The following KCNC1 variants were observed in gnomAD, a reference collection of about 807,000 sequenced individuals.
KCNC1 encodes potassium voltage-gated channel subfamily C member 1.
Under a neutral mutation model 43.4 loss-of-function variants are expected in KCNC1, and 8 were observed. That is an observed-to-expected ratio of 0.18 (90% CI 0.11 to 0.33). The LOEUF (loss-of-function observed/expected upper bound fraction) is 0.33, where lower values mean the gene tolerates loss of function less well. Among genes scored for constraint, KCNC1 ranks in the 10% least tolerant of loss-of-function variants. KCNC1 has a pLI of 1.00. For synonymous variants in KCNC1, 361 were observed against 360.5 expected, an observed-to-expected ratio of 1.00 and a Z score of -0.01; for missense variants, 420 against 836.0, an observed-to-expected ratio of 0.50 and a Z score of 6.14.
intron 1 of KCNC1, among the ~76,000 whole-genome samples, chr11:17,769,932 T>A (rs1849203917): frequency 6.6e-6 from 1 of 152,210 alleles, no homozygotes; most frequent in South Asian, 2.1e-4. Context: ...TCAGAACAGA[T>A]CATATCTACA....
At chr11:17,751,620 G>A (rs1332325501) in intron 1 of KCNC1, among the ~76,000 whole-genome samples, 2 of 152,170 alleles carry the variant, frequency 1.3e-5, no homozygotes, top group African/African-American at 2.4e-5. Context: ...GAGAGAGCTG[G>A]GAGCTGGGGA....
chr11:17,740,410 G>A (rs1488060292), intron 1 of KCNC1, among the ~76,000 whole-genome samples: 2 of 152,130 alleles, frequency 1.3e-5, no homozygotes, highest in Non-Finnish European at 2.9e-5. Context: ...AACCTTTGAG[G>A]GGCAGGGAGG....
intron 1 of KCNC1, among the ~76,000 whole-genome samples, chr11:17,764,799 C>T (rs1429700978): frequency 6.6e-6 from 1 of 152,212 alleles, no homozygotes; most frequent in African/African-American, 2.4e-5. Flanking sequence ...TCCCATCCCC[C>T]AGCCGGCCCA....
At position 17,776,917 on chromosome 11, in the gene KCNC1, C is replaced by T. The variant is rs771233728; in HGVS notation, c.1505-2539C>T. On this transcript the variant is annotated intron_variant, in intron 2 of 3. Coordinates refer to ENST00000265969, the MANE Select transcript of KCNC1 (RefSeq NM_001112741.2). The surrounding 1 kb of genome is among the most constrained non-coding windows in gnomAD (Gnocchi z 4.4). ...GACGAACAGCCCAGGGGCCTGGGCC[C>T]CTTCACAGAGCAAGACTTAAGCTTC... The T allele has an allele frequency of 3.0e-5, 30 of 985,328 alleles. No individual in the cohort carries two copies. Among genetic ancestry groups the T allele is most frequent in the Non-Finnish European group, 3.5e-5 (29 of 829,986 alleles). 61.0% of individuals were successfully genotyped at this position (985,328 alleles called of 1,614,324 possible). A position where few individuals can be genotyped will look rare whatever the true frequency, so the allele number is the denominator to read the frequency against.
At chr11:17,767,671 T>G (rs1216072596) in intron 1 of KCNC1, among the ~76,000 whole-genome samples, 3 of 152,170 alleles carry the variant, frequency 2.0e-5, no homozygotes, top group Non-Finnish European at 4.4e-5. Context: ...CCCTTGGGAT[T>G]TGATGTTGCT....
rs1035313000 is a variant in KCNC1 at position 17,739,101 on chromosome 11, G to A, written c.570+2529G>A. On this transcript the variant is annotated intron_variant, in intron 1 of 3. Transcript: ENST00000265969. This position sits in a 1 kb window ranked among gnomAD's most constrained non-coding sequence, Gnocchi z 4.2. ...CTGCGCACAGACCAGCCGCCTGCCC[G>A]CCCTCCTCCCCCTCTGTCTTTGCTC... 6.6e-6 allele frequency among the ~76,000 whole-genome samples: 1 copy of A among 150,846 alleles called. No homozygotes were observed. Among genetic ancestry groups the A allele is most frequent in the Admixed American group, 6.6e-5 (1 of 15,176 alleles).
Position 17,751,006 on chromosome 11 carries a change from C to T in KCNC1, c.570+14434C>T, listed in dbSNP as rs191831397. 1.3e-4 allele frequency among the ~76,000 whole-genome samples: 20 copies of T among 152,270 alleles called. No individual in the cohort carries two copies. The East Asian group carries it at 3.7e-3, about 28-fold the overall frequency. ...GCCTGTTACATAATAGGGAATCAAT[C>T]GATCTTTGCTAAAGCTATGTGCCCC... On this transcript the variant is annotated intron_variant, in intron 1 of 3. Coordinates refer to ENST00000265969, the MANE Select transcript of KCNC1 (RefSeq NM_001112741.2).
chr11:17,781,879 G>A lies in KCNC1; in HGVS notation c.*145G>A, dbSNP rs187305849. ...GCCCAGGCATTGTACTAGGACGGAC[G>A]TAGCTTTTTCTACGGCCAAATGGTA... is the stretch of plus-strand genomic sequence containing the variant. On this transcript the variant is annotated 3_prime_UTR_variant, in exon 4 of 4. Coordinates refer to ENST00000265969, the MANE Select transcript of KCNC1 (RefSeq NM_001112741.2). The surrounding 1 kb of genome is among the most constrained non-coding windows in gnomAD (Gnocchi z 5.1). 47 of 504,386 alleles carry A rather than the reference G, an allele frequency of 9.3e-5. No individual in the cohort carries two copies. In the Admixed American group the frequency reaches 1.4e-3, roughly 15 times the overall value. The allele number at this position is 504,386 out of a possible 1,614,324, so 31.2% of individuals were successfully genotyped here. A position where few individuals can be genotyped will look rare whatever the true frequency, so the allele number is the denominator to read the frequency against.
intron 2 of KCNC1, chr11:17,775,690 G>T: frequency 1.0e-6 from 1 of 985,710 alleles, no homozygotes; most frequent in South Asian, 4.7e-5. Flanking sequence ...GTCCATCTCC[G>T]CTCCTGTGAT....
rs1849228350 is a variant in KCNC1, at chr11:17,771,534, A to C, written c.571-131A>C. On this transcript the variant is annotated intron_variant, in intron 1 of 3. Coordinates refer to ENST00000265969, the MANE Select transcript of KCNC1 (RefSeq NM_001112741.2). This position sits in a 1 kb window ranked among gnomAD's most constrained non-coding sequence, Gnocchi z 4.7. Reference sequence around the variant, plus strand: ...AGGCCCCCTGTGCCCTGAGGAGGGAAATGTAGCACGTGCTGCAGGGGGCCT... The same window carrying C: ...AGGCCCCCTGTGCCCTGAGGAGGGACATGTAGCACGTGCTGCAGGGGGCCT... 5 of 780,898 alleles carry C rather than the reference A, an allele frequency of 6.4e-6. No homozygotes were observed. Among genetic ancestry groups the C allele is most frequent in the Non-Finnish European group, 8.4e-6 (4 of 478,342 alleles). The allele number at this position is 780,898 out of a possible 1,614,324, so 48.4% of individuals were successfully genotyped here.
chr11:17,744,596 C>T (rs368451135), intron 1 of KCNC1, among the ~76,000 whole-genome samples: 53 of 152,292 alleles, frequency 3.5e-4, no homozygotes, highest in African/African-American at 1.0e-3. Flanking sequence ...CCCTTCTCTT[C>T]GCTTCCTGCC....
chr11:17,771,347 ATG>A lies in KCNC1; in HGVS notation c.571-315_571-314del, dbSNP rs1366595564. Among the ~76,000 whole-genome samples, 1 of 152,232 alleles carries A rather than the reference ATG, an allele frequency of 6.6e-6. No individual in the cohort carries two copies. The highest frequency in any genetic ancestry group is 2.4e-5 in the African/African-American group (1 of 41,458). ...TATTTCCCACTCAGGTAACAGTTCA[ATG>A]TGGGTATGTGGCTGATGTCTTTCTT... On this transcript the variant is annotated intron_variant, in intron 1 of 3. Coordinates refer to ENST00000265969, the MANE Select transcript of KCNC1 (RefSeq NM_001112741.2). The surrounding 1 kb of genome is among the most constrained non-coding windows in gnomAD (Gnocchi z 4.7).
rs1440842954 is a variant in KCNC1 at position 17,781,664 on chromosome 11, A to G, written c.1694-6A>G. 1 of 1,543,318 alleles carries G rather than the reference A, an allele frequency of 6.5e-7. No individual in the cohort carries two copies. The highest frequency in any genetic ancestry group is 8.8e-7 in the Non-Finnish European group (1 of 1,139,444). ...CTCAAGTGTTAATTGTATTCTTTAC[A>G]TACAGATCTTTGCAAAGAAAGCCCT... On this transcript the variant is annotated splice_region_variant and splice_polypyrimidine_tract_variant and intron_variant, in intron 3 of 3. Transcript: ENST00000265969. This position sits in a 1 kb window ranked among gnomAD's most constrained non-coding sequence, Gnocchi z 5.1.
At position 17,772,089 on chromosome 11, in the gene KCNC1, G is replaced by A. The variant is rs773467955; in HGVS notation, c.995G>A (p.Arg332Gln). The change falls in exon 2 of 4, where the codon CGG becomes CAG. Residue 332 changes from arginine (R) to glutamine (Q), a missense_variant. Physicochemically the swap from Arg to Gln is conservative, Grantham distance 43 (BLOSUM62 1). This residue lies in a region of KCNC1 where 58 missense variants were observed against 256.9 expected (regional missense o/e 0.23). Transcript: ENST00000265969. ...FKLTRHFVGL[R>Q]VLGHTLRAST... is the part of the protein sequence containing the mutation. ...CTGACCCGCCACTTTGTGGGCCTGC[G>A]GGTCCTGGGCCACACGCTCCGAGCC... is the stretch of plus-strand genomic sequence containing the variant. 1.2e-6 allele frequency: 2 copies of A among 1,613,588 alleles called. No individual in the cohort carries two copies. Among genetic ancestry groups the A allele is most frequent in the East Asian group, 2.2e-5 (1 of 44,878 alleles).
intron 1 of KCNC1, among the ~76,000 whole-genome samples, chr11:17,743,230 C>A (rs568884362): frequency 6.6e-6 from 1 of 152,212 alleles, no homozygotes; most frequent in Non-Finnish European, 1.5e-5. Flanking sequence ...TTAGCTCATG[C>A]GCGGTGGAGC....
In KCNC1 at chr11:17,773,598, G is replaced by A. The variant is rs1254859017; in HGVS notation, c.1504+1000G>A. The A allele has an allele frequency of 1.6e-5, 16 of 985,426 alleles. No individual in the cohort carries two copies. The highest frequency in any genetic ancestry group is 1.1e-4 in the East Asian group (1 of 8,810). The allele number at this position is 985,426 out of a possible 1,614,324, so 61.0% of individuals were successfully genotyped here. On this transcript the variant is annotated intron_variant, in intron 2 of 3. Coordinates refer to ENST00000265969, the MANE Select transcript of KCNC1 (RefSeq NM_001112741.2). This position sits in a 1 kb window ranked among gnomAD's most constrained non-coding sequence, Gnocchi z 4.1. ...GGGGCATGAAACAATACTAGTCACC[G>A]TGGGATATATTCTAATATTCCATGG...
intron 1 of KCNC1, among the ~76,000 whole-genome samples, chr11:17,762,769 T>G (rs1444603868): frequency 6.6e-6 from 1 of 152,194 alleles, no homozygotes. Flanking sequence ...CTGGTCCTGC[T>G]GAGTGCTCTG....
chr11:17,752,768 C>T (rs1205898553), intron 1 of KCNC1, among the ~76,000 whole-genome samples: 4 of 152,104 alleles, frequency 2.6e-5, no homozygotes, highest in Non-Finnish European at 5.9e-5. Context: ...GGGGTGGTGG[C>T]CACCTTGTGG....
At chr11:17,746,839 T>C (rs1848904633) in intron 1 of KCNC1, among the ~76,000 whole-genome samples, 1 of 152,088 alleles carries the variant, frequency 6.6e-6, no homozygotes, top group Non-Finnish European at 1.5e-5. Flanking sequence ...CCAGCCCCAC[T>C]ACCTTCCAGC....
Sources: allele counts gnomAD v4.1 joint callset (sites outside exome capture counted in the v4.1 genomes callset), GRCh38; gene constraint gnomAD v4.1.1; regional missense constraint gnomAD v4.1.1; non-coding constraint Gnocchi (gnomAD v3.1); transcripts MANE v1.5; gene names NCBI Gene and HGNC (gene_info 2026-07-23, HGNC 2026-07-21).